Variants in OSBPL10 observed in about 807,000 individuals in gnomAD.
The protein encoded by OSBPL10 is oxysterol-binding protein-related protein 10.
A neutral mutation model predicts 81.7 loss-of-function variants in OSBPL10; 49 were observed. The observed-to-expected ratio is 0.60, with a 90% CI of 0.48 to 0.76. The LOEUF (loss-of-function observed/expected upper bound fraction) is 0.76, where lower values mean the gene tolerates loss of function less well. Among genes scored for constraint, OSBPL10 ranks in the 30% least tolerant of loss-of-function variants. OSBPL10 has a pLI of 0.00. For missense variants in OSBPL10, 923 were observed against 987.8 expected, an observed-to-expected ratio of 0.93 and a Z score of 0.88; for synonymous variants, 419 against 383.6, an observed-to-expected ratio of 1.09 and a Z score of -1.08.
At chr3:31,690,770 T>C (rs532737027) in intron 7 of OSBPL10, among the ~76,000 whole-genome samples, 1 of 152,314 alleles carries the variant, frequency 6.6e-6, no homozygotes, top group South Asian at 2.1e-4. Flanking sequence ...TCTTCTGTTG[T>C]GTGTTTCATT....
intron 3 of OSBPL10, among the ~76,000 whole-genome samples, chr3:31,865,967 G>C (rs1701168685): frequency 6.6e-6 from 1 of 152,086 alleles, no homozygotes; most frequent in African/African-American, 2.4e-5. Context: ...GAAATCCCTG[G>C]TAACCACATG....
At chr3:31,895,784 T>C (rs1016059298) in intron 1 of OSBPL10, among the ~76,000 whole-genome samples, 2 of 152,204 alleles carry the variant, frequency 1.3e-5, no homozygotes, top group African/African-American at 4.8e-5. Context: ...TACAGATATG[T>C]TGTCTAAAAA....
At chr3:31,892,695 G>T (rs1010748442) in intron 1 of OSBPL10, among the ~76,000 whole-genome samples, 1 of 152,178 alleles carries the variant, frequency 6.6e-6, no homozygotes, top group African/African-American at 2.4e-5. Context: ...GGGCAGCAGG[G>T]TTCTGCTGCC....
intron 1 of OSBPL10, among the ~76,000 whole-genome samples, chr3:31,951,722 T>C (rs1272700591): frequency 1.3e-5 from 2 of 150,902 alleles, no homozygotes; most frequent in African/African-American, 2.4e-5. Flanking sequence ...TTAAACTATA[T>C]AATTATATAT....
intron 2 of OSBPL10, chr3:31,989,082 G>T: frequency 6.2e-7 from 1 of 1,614,124 alleles, no homozygotes; most frequent in Non-Finnish European, 8.5e-7. Context: ...AAAGACTCAT[G>T]TTACGTGAGG....
chr3:31,835,613 C>T (rs1575574637), intron 3 of OSBPL10, among the ~76,000 whole-genome samples: 1 of 151,954 alleles, frequency 6.6e-6, no homozygotes, highest in Admixed American at 6.6e-5. Context: ...AATTCCTTCA[C>T]AGCAAGGAGG....
Position 31,760,384 on chromosome 3 carries a change from T to C in OSBPL10, c.730-12264A>G, listed in dbSNP as rs114821909. Among the ~76,000 whole-genome samples, 1,016 of 152,320 alleles carry C rather than the reference T, an allele frequency of 6.7e-3. 13 individuals are homozygous for C. Among genetic ancestry groups the C allele is most frequent in the African/African-American group, 0.023 (963 of 41,562 alleles). ...ACCCATGGGGGATTGGTTCCAGGAC[T>C]CCGCCTGGATATCAAAATCCATGTA... On this transcript the variant is annotated intron_variant, in intron 4 of 11. Coordinates refer to ENST00000396556, the MANE Select transcript of OSBPL10 (RefSeq NM_017784.5).
At chr3:32,048,099 A>G (rs1699639135) in intron 1 of OSBPL10, among the ~76,000 whole-genome samples, 1 of 152,116 alleles carries the variant, frequency 6.6e-6, no homozygotes. Flanking sequence ...CCTATTAAAG[A>G]TGGAGTTGCT....
chr3:31,774,500 C>CTGTTTT lies in OSBPL10; in HGVS notation c.730-26386_730-26381dup, dbSNP rs142505646. 1.1e-4 allele frequency among the ~76,000 whole-genome samples: 16 copies of CTGTTTT among 145,474 alleles called. No individual in the cohort carries two copies. In the South Asian group the frequency reaches 3.0e-3, roughly 27 times the overall value. ...ATTGTTGGAAGTCCTCTTTTGTTTTCTGTTTTTGTTTTTGTTTTTGTTTTT... is the reference window on the plus strand; with the variant it reads ...ATTGTTGGAAGTCCTCTTTTGTTTTCTGTTTTTGTTTTTGTTTTTGTTTTTGTTTTT... On this transcript the variant is annotated intron_variant, in intron 4 of 11. Coordinates refer to ENST00000396556, the MANE Select transcript of OSBPL10 (RefSeq NM_017784.5).
At chr3:32,040,359 A>G (rs1205767097) in intron 2 of OSBPL10, among the ~76,000 whole-genome samples, 1 of 152,120 alleles carries the variant, frequency 6.6e-6, no homozygotes, top group East Asian at 1.9e-4. Flanking sequence ...GTGAGCTAAC[A>G]TTGCACCACT....
chr3:31,880,402 G>A (rs1189780723), intron 1 of OSBPL10, among the ~76,000 whole-genome samples: 1 of 152,206 alleles, frequency 6.6e-6, no homozygotes, highest in East Asian at 1.9e-4. Context: ...GAATCCCCCT[G>A]CTCTGGGACG....
At chr3:31,690,061 A>G (rs771090908) in intron 7 of OSBPL10, among the ~76,000 whole-genome samples, 1 of 151,954 alleles carries the variant, frequency 6.6e-6, no homozygotes, top group Non-Finnish European at 1.5e-5. Flanking sequence ...GTAATTGGCC[A>G]AAAAAGGTGA....
chr3:31,979,711 G>GAA lies in OSBPL10; in HGVS notation c.281+1186_281+1187dup, dbSNP rs56355946. Among the ~76,000 whole-genome samples, 120 of 144,578 alleles carry GAA rather than the reference G, an allele frequency of 8.3e-4. No homozygotes were observed. The East Asian group carries it at 0.019, about 23-fold the overall frequency. 94.8% of individuals were successfully genotyped at this position (144,578 alleles called of 152,430 possible). A position where few individuals can be genotyped will look rare whatever the true frequency, so the allele number is the denominator to read the frequency against. On this transcript the variant is annotated intron_variant, in intron 1 of 11. Transcript: ENST00000396556. ...CTGGCTTGTTTTTGGAAAACAAATT[G>GAA]AAAAAAAAAACAAAAACAAAAAGTA...
At chr3:31,731,488 CTTT>C (rs202094117) in intron 6 of OSBPL10, among the ~76,000 whole-genome samples, 2 of 142,296 alleles carry the variant, frequency 1.4e-5, no homozygotes, top group African/African-American at 2.6e-5. Context: ...TTATTTCTTT[CTTT>C]TTTTTTTTTT....
At chr3:31,733,011 A>G (rs1697025990) in intron 6 of OSBPL10, 1 of 542,892 alleles carries the variant, frequency 1.8e-6, no homozygotes, top group Non-Finnish European at 3.2e-6. Context: ...AGTGACTCCC[A>G]TTTCAATGAA....
intron 2 of OSBPL10, among the ~76,000 whole-genome samples, chr3:32,026,933 T>A (rs1300751467): frequency 1.3e-5 from 2 of 152,240 alleles, no homozygotes; most frequent in Non-Finnish European, 2.9e-5. Flanking sequence ...TCAGAAAGTC[T>A]GTTCTCACTC....
intron 1 of OSBPL10, among the ~76,000 whole-genome samples, chr3:31,943,968 A>C (rs988594420): frequency 1.5e-4 from 8 of 53,584 alleles, no homozygotes; most frequent in African/African-American, 3.8e-4. Context: ...ACTCCGTCTC[A>C]AAAAAAAAAA....
intron 3 of OSBPL10, among the ~76,000 whole-genome samples, chr3:31,844,233 C>T (rs1700573355): frequency 6.6e-6 from 1 of 152,186 alleles, no homozygotes. Flanking sequence ...TTGGTTCCAA[C>T]CGTGAACTGC....
intron 1 of OSBPL10, among the ~76,000 whole-genome samples, chr3:31,893,581 G>A (rs573356018): frequency 2.6e-5 from 4 of 152,270 alleles, no homozygotes; most frequent in East Asian, 1.9e-4. Context: ...ACTTACATGC[G>A]AATGTTAAAG....
Sources: gnomAD v4.1 joint callset for allele counts (sites outside exome capture counted in the v4.1 genomes callset) on GRCh38, gnomAD v4.1.1 for gene constraint, MANE v1.5 for transcripts, NCBI Gene and HGNC (gene_info 2026-07-23, HGNC 2026-07-21) for gene names.